Variants in HOOK1 observed in about 807,000 individuals in gnomAD.
HOOK1 encodes the protein hook microtubule tethering protein 1.
In HOOK1, 60 loss-of-function variants were observed where a neutral mutation model predicts 112.8. The ratio of observed to expected loss-of-function variants is 0.53; its 90% CI spans 0.43 to 0.66. HOOK1 has a LOEUF of 0.66. HOOK1 is among the 30% of genes least tolerant of loss of function. HOOK1 has a pLI of 0.00. For synonymous variants in HOOK1, 294 were observed against 283.8 expected (o/e 1.04, Z -0.36); for missense variants, 770 against 856.0 (o/e 0.90, Z 1.25).
intron 13 of HOOK1, 38 bp downstream of exon 13, chr1:59,858,553 C>A: frequency 1.5e-6 from 2 of 1,331,512 alleles, no homozygotes; most frequent in Non-Finnish European, 2.2e-6. Context: ...TCAGCCTGGG[C>A]AGCATAGTGG....
intron 2 of HOOK1, among the ~76,000 whole-genome samples, chr1:59,824,517 T>C (rs1222494864): frequency 6.6e-6 from 1 of 152,218 alleles, no homozygotes; most frequent in African/African-American, 2.4e-5. Context: ...AAATATGTTA[T>C]AATTTTTAAC....
At chr1:59,849,241 C>T in intron 12 of HOOK1, 58 bp downstream of exon 12, 1 of 1,150,118 alleles carries the variant, frequency 8.7e-7, no homozygotes, top group Non-Finnish European at 1.3e-6. Context: ...TTTGTAATGC[C>T]CTTGCTGTTT....
intron 7 of HOOK1, among the ~76,000 whole-genome samples, chr1:59,838,223 C>G (rs914916149): frequency 3.3e-5 from 5 of 152,118 alleles, no homozygotes; most frequent in Non-Finnish European, 5.9e-5. Flanking sequence ...AATGGGATTG[C>G]TGGGTCAAAT....
intron 12 of HOOK1, among the ~76,000 whole-genome samples, chr1:59,854,075 G>A (rs1256536769): frequency 7.5e-5 from 4 of 53,542 alleles, no homozygotes; most frequent in Admixed American, 3.0e-4. Context: ...TTTTTGAGAC[G>A]GAGTCTCCCT....
chr1:59,848,999 A>G, intron 11 of HOOK1, 74 bp from the exon 12 acceptor site: 1 of 783,316 alleles, frequency 1.3e-6, no homozygotes. Flanking sequence ...CATTTACTCA[A>G]TTCTGAAAGA....
chr1:59,849,163 G>C lies in HOOK1; in HGVS notation c.1222G>C (p.Ala408Pro). The C allele has an allele frequency of 6.2e-7, 1 of 1,606,660 alleles. No homozygotes were observed. Residue 408 changes from alanine to proline, a missense_variant, in exon 12 of 22, where the codon GCT becomes CCT. Physicochemically the swap from Ala to Pro is conservative, Grantham distance 27. Around this residue, in one of 3 missense-constraint regions of HOOK1, gnomAD observed 655 missense variants for 725.9 expected, o/e 0.90. Coordinates refer to ENST00000371208, the MANE Select transcript of HOOK1 (RefSeq NM_015888.6). ...GAAGCGGCTTGAAGAAAAACATGAA[G>C]CTTTACTTAAGGAAAAAGAGGTAAA... Reference protein sequence around the residue: ...EMKRLEEKHEALLKEKERLIE... With the variant: ...EMKRLEEKHEPLLKEKERLIE...
At chr1:59,824,346 T>G (rs1453761116) in intron 2 of HOOK1, among the ~76,000 whole-genome samples, 1 of 152,116 alleles carries the variant, frequency 6.6e-6, no homozygotes, top group Non-Finnish European at 1.5e-5. Flanking sequence ...TAGCTGGGAT[T>G]ACAGGCGCAT....
chr1:59,823,479 T>C (rs1368652729), intron 2 of HOOK1, among the ~76,000 whole-genome samples: 1 of 152,250 alleles, frequency 6.6e-6, no homozygotes, highest in Non-Finnish European at 1.5e-5. Flanking sequence ...TGCCTTGCCT[T>C]CTTCTCATCA....
At chr1:59,835,518 G>A (rs2098396967) in intron 6 of HOOK1, 106 bp downstream of exon 6, 3 of 692,388 alleles carry the variant, frequency 4.3e-6, no homozygotes, top group Non-Finnish European at 7.5e-6. Flanking sequence ...TTTGTTGTAA[G>A]TTTACTTCCC....
intron 15 of HOOK1, among the ~76,000 whole-genome samples, 170 bp from the exon 16 acceptor site, chr1:59,862,614 G>T (rs568966673): frequency 6.6e-6 from 1 of 152,116 alleles, no homozygotes; most frequent in African/African-American, 2.4e-5. Flanking sequence ...TATTTTCTTA[G>T]AAGTAGCCTG....
intron 1 of HOOK1, among the ~76,000 whole-genome samples, chr1:59,818,331 A>C (rs1313464129): frequency 6.6e-6 from 1 of 152,210 alleles, no homozygotes; most frequent in African/African-American, 2.4e-5. Flanking sequence ...AGCCAACATC[A>C]ACAGAATTAG....
intron 8 of HOOK1, among the ~76,000 whole-genome samples, chr1:59,843,056 G>A (rs1054325087): frequency 2.6e-5 from 4 of 151,852 alleles, no homozygotes; most frequent in Non-Finnish European, 5.9e-5. Flanking sequence ...TTTTGGCTTA[G>A]CAGGTGACAT....
chr1:59,846,919 A>G lies in HOOK1; in HGVS notation c.789-126A>G, dbSNP rs191539635. The G allele has an allele frequency of 6.1e-4, 362 of 589,126 alleles. 1 individual carries two copies. Among genetic ancestry groups the G allele is most frequent in the Admixed American group, 4.5e-3 (113 of 24,992 alleles). 36.5% of individuals were successfully genotyped at this position (589,126 alleles called of 1,614,324 possible). On this transcript the variant is annotated intron_variant, in intron 9 of 21. Coordinates refer to ENST00000371208, the MANE Select transcript of HOOK1 (RefSeq NM_015888.6). ...TTTGGCATTTATTGATACATATTTT[A>G]TTCATCATATATTTTATTGTGTTGA...
Position 59,855,966 on chromosome 1 carries a change from T to TATATA in HOOK1, c.1243-2462_1243-2461insATATA, listed in dbSNP as rs1553464155. ...TTTATATATATATATATATAAATTA[T>TATATA]TATATATATATATATATATTTTTTT... On this transcript the variant is annotated intron_variant, in intron 12 of 21. Coordinates refer to ENST00000371208, the MANE Select transcript of HOOK1 (RefSeq NM_015888.6). Among the ~76,000 whole-genome samples, 205 of 71,164 alleles carry TATATA rather than the reference T, an allele frequency of 2.9e-3. 3 individuals carry two copies. The highest frequency in any genetic ancestry group is 8.5e-3 in the African/African-American group (127 of 14,990). 46.7% of individuals were successfully genotyped at this position (71,164 alleles called of 152,430 possible).
chr1:59,855,957 T>TAAA (rs1418665294), intron 12 of HOOK1, among the ~76,000 whole-genome samples: 1 of 104,492 alleles, frequency 9.6e-6, no homozygotes, highest in East Asian at 2.4e-4. Context: ...TATATATATA[T>TAAA]ATAAATTATT....
chr1:59,821,002 C>T (rs550402498), intron 1 of HOOK1, among the ~76,000 whole-genome samples: 56 of 152,042 alleles, frequency 3.7e-4, no homozygotes, highest in African/African-American at 1.2e-3. Context: ...TGAATTATGG[C>T]GGGAGAGAAT....
intron 3 of HOOK1, among the ~76,000 whole-genome samples, chr1:59,829,805 C>T (rs1054077590): frequency 3.3e-5 from 5 of 151,826 alleles, no homozygotes; most frequent in African/African-American, 1.2e-4. Flanking sequence ...TTTCTTGCTT[C>T]TTAAGGTGGA....
chr1:59,847,262 A>T lies in HOOK1; in HGVS notation c.929+77A>T, dbSNP rs1267940781. 5.8e-6 allele frequency: 7 copies of T among 1,200,994 alleles called. No individual in the cohort carries two copies. In the East Asian group the frequency reaches 1.7e-4, roughly 28 times the overall value. The allele number at this position is 1,200,994 out of a possible 1,614,324, so 74.4% of individuals were successfully genotyped here. ...AATTTGAGTATTTCATATTTTAATC[A>T]GGGATTCATAGGATTATTCCTGTAT... On this transcript the variant is annotated intron_variant, in intron 10 of 21. Transcript: ENST00000371208.
At chr1:59,824,683 C>T (rs910629334) in intron 2 of HOOK1, among the ~76,000 whole-genome samples, 40 of 152,048 alleles carry the variant, frequency 2.6e-4, no homozygotes, top group African/African-American at 9.4e-4. Flanking sequence ...ATAGTAATAT[C>T]TTTATAAAGT....
Sources: allele counts gnomAD v4.1 joint callset (sites outside exome capture counted in the v4.1 genomes callset), GRCh38; gene constraint gnomAD v4.1.1; regional missense constraint gnomAD v4.1.1; transcripts MANE v1.5; gene names NCBI Gene and HGNC (gene_info 2026-07-23, HGNC 2026-07-21).